Variants in SLC14A2 observed in about 807,000 individuals in gnomAD.
SLC14A2 encodes solute carrier family 14 member 2.
SLC14A2 carries 91 observed loss-of-function variants against 104.6 expected under a neutral mutation model. The observed-to-expected ratio is 0.87, with a 90% confidence interval of 0.73 to 1.04. SLC14A2 has a LOEUF of 1.04. Among genes scored for constraint, SLC14A2 ranks in the 50% least tolerant of loss-of-function variants. The probability of loss-of-function intolerance (pLI) is 0.00; values close to 1 mark genes in which losing one functional copy is unlikely to be tolerated. For synonymous variants in SLC14A2, 476 were observed against 466.4 expected, an observed-to-expected ratio of 1.02 and a Z score of -0.27; for missense variants, 1,189 against 1,156.0, an observed-to-expected ratio of 1.03 and a Z score of -0.41.
intron 2 of SLC14A2, among the ~76,000 whole-genome samples, chr18:45,553,691 C>A (rs1406665341): frequency 2.6e-5 from 4 of 152,148 alleles, no homozygotes; most frequent in African/African-American, 9.7e-5. Flanking sequence ...CAAGGACCTT[C>A]AACGCTTAAC....
At chr18:45,221,198 A>G (rs1302468617) in intron 1 of SLC14A2, among the ~76,000 whole-genome samples, 2 of 152,224 alleles carry the variant, frequency 1.3e-5, no homozygotes, top group African/African-American at 2.4e-5. Flanking sequence ...ACTAGGAAAA[A>G]GAGAAATCAC....
chr18:45,329,417 T>C (rs557171596), intron 1 of SLC14A2, among the ~76,000 whole-genome samples: 5 of 152,264 alleles, frequency 3.3e-5, no homozygotes, highest in African/African-American at 9.6e-5. Flanking sequence ...TATCTTCAAA[T>C]AACCATCAAT....
chr18:45,559,442 C>T (rs2044174820), intron 2 of SLC14A2, among the ~76,000 whole-genome samples: 1 of 152,162 alleles, frequency 6.6e-6, no homozygotes, highest in Admixed American at 6.5e-5. Flanking sequence ...GTTCTGCTCA[C>T]TCAGCAGAAA....
At chr18:45,640,699 A>G (rs538716853) in intron 7 of SLC14A2, among the ~76,000 whole-genome samples, 1 of 152,298 alleles carries the variant, frequency 6.6e-6, no homozygotes, top group South Asian at 2.1e-4. Flanking sequence ...AAACTCATCA[A>G]AAAATGGTAA....
intron 2 of SLC14A2, among the ~76,000 whole-genome samples, chr18:45,487,561 T>C (rs1184257573): frequency 1.3e-5 from 2 of 152,108 alleles, no homozygotes; most frequent in Admixed American, 1.3e-4. Context: ...AAGGAAATAG[T>C]TGTGGATACC....
In SLC14A2 at chr18:45,620,172, G is replaced by C. The variant is rs78943975; in HGVS notation, c.-34-4459G>C. 3.8e-4 allele frequency among the ~76,000 whole-genome samples: 58 copies of C among 152,278 alleles called. No homozygotes were observed. The East Asian group carries it at 9.9e-3, about 26-fold the overall frequency. ...GGAGGTGCAAGGCCCTGTTCCTGCA[G>C]AGGATACATAGGATTGAGAAACACA... On this transcript the variant is annotated intron_variant, in intron 1 of 19. Coordinates refer to ENST00000255226, the MANE Select transcript of SLC14A2 (RefSeq NM_007163.4).
Position 45,452,651 on chromosome 18 carries a change from C to T in SLC14A2, c.-124-30582C>T, listed in dbSNP as rs147021420. ...TCTCCAACACCATGGACTAGAAAAA[C>T]GCCATGCACTCACAAAAATGCTTCT... On this transcript the variant is annotated intron_variant, in intron 1 of 20. Transcript: ENST00000586448. 4.6e-5 allele frequency among the ~76,000 whole-genome samples: 7 copies of T among 152,268 alleles called. No individual in the cohort carries two copies. The South Asian group carries it at 6.2e-4, about 14-fold the overall frequency.
At chr18:45,345,623 T>A (rs2085440123) in intron 1 of SLC14A2, among the ~76,000 whole-genome samples, 1 of 152,232 alleles carries the variant, frequency 6.6e-6, no homozygotes, top group South Asian at 2.1e-4. Flanking sequence ...CTTCTCTATA[T>A]CATTCCATTG....
chr18:45,665,585 A>G (rs2046005341), intron 11 of SLC14A2, among the ~76,000 whole-genome samples: 2 of 151,604 alleles, frequency 1.3e-5, no homozygotes, highest in African/African-American at 4.8e-5. Context: ...CCAGGTGAGG[A>G]GAGTCATGGC....
At chr18:45,617,502 G>A (rs980198040) in intron 1 of SLC14A2, among the ~76,000 whole-genome samples, 22 of 152,066 alleles carry the variant, frequency 1.4e-4, no homozygotes, top group Non-Finnish European at 1.5e-5. Flanking sequence ...CTAACTTGGA[G>A]CTGCCAAGAA....
chr18:45,610,672 A>G (rs1192034303), upstream of SLC14A2, among the ~76,000 whole-genome samples: 1 of 152,230 alleles, frequency 6.6e-6, no homozygotes, highest in African/African-American at 2.4e-5. Context: ...AGCAGGAGGC[A>G]TATGTTGGGA....
rs751041235 is a variant in SLC14A2 at position 45,219,307 on chromosome 18, A to C, written c.-125+6116A>C. On this transcript the variant is annotated intron_variant, in intron 1 of 20. Transcript: ENST00000586448. ...TTGTCTGCATTTTTGTGAAAGGCAT[A>C]TAGCAATGTTATTTATATAAATTTG... Among the ~76,000 whole-genome samples, 10 of 152,374 alleles carry C rather than the reference A, an allele frequency of 6.6e-5. 1 individual carries two copies. The East Asian group carries it at 1.7e-3, about 26-fold the overall frequency.
chr18:45,232,875 C>G (rs2084188384), intron 1 of SLC14A2, among the ~76,000 whole-genome samples: 1 of 152,190 alleles, frequency 6.6e-6, no homozygotes, highest in Admixed American at 6.5e-5. Flanking sequence ...AACTTAGAAT[C>G]AAGTTCCAAC....
chr18:45,298,535 A>G (rs1281089233), intron 1 of SLC14A2, among the ~76,000 whole-genome samples: 4 of 152,088 alleles, frequency 2.6e-5, no homozygotes, highest in Non-Finnish European at 5.9e-5. Flanking sequence ...CCCACTTTCC[A>G]TTCTCCAGCC....
intron 1 of SLC14A2, among the ~76,000 whole-genome samples, chr18:45,415,882 C>A (rs1183324228): frequency 6.6e-6 from 1 of 152,148 alleles, no homozygotes; most frequent in African/African-American, 2.4e-5. Flanking sequence ...TTCTGGGAAG[C>A]AGCGACTGAA....
intron 1 of SLC14A2, among the ~76,000 whole-genome samples, chr18:45,341,610 T>TC (rs2085396523): frequency 6.8e-6 from 1 of 146,686 alleles, no homozygotes; most frequent in African/African-American, 2.5e-5. Context: ...TTTTTTTTTT[T>TC]TTTTTTTTTT....
At position 45,581,189 on chromosome 18, in the gene SLC14A2, G is replaced by A. The variant is rs538176675; in HGVS notation, c.-34-43442G>A. Among the ~76,000 whole-genome samples, 14 of 152,340 alleles carry A rather than the reference G, an allele frequency of 9.2e-5. No individual in the cohort carries two copies. The East Asian group carries it at 2.5e-3, about 27-fold the overall frequency. Reference sequence around the variant, plus strand: ...TCTAGAGTGGATATTTTGGGAATGAGAAAGGGAGATGAGAACAGAGGGCAG... The same window carrying A: ...TCTAGAGTGGATATTTTGGGAATGAAAAAGGGAGATGAGAACAGAGGGCAG... On this transcript the variant is annotated intron_variant, in intron 2 of 20. Coordinates refer to the SLC14A2 transcript ENST00000586448.
chr18:45,487,147 T>C (rs891793589), intron 2 of SLC14A2, among the ~76,000 whole-genome samples: 2 of 152,232 alleles, frequency 1.3e-5, no homozygotes, highest in African/African-American at 4.8e-5. Context: ...GCTGGGCTCC[T>C]TTCTGGAGAC....
chr18:45,196,663 T>A, the SLC14A2 span, among the ~76,000 whole-genome samples: 1 of 152,170 alleles, frequency 6.6e-6, no homozygotes, highest in Non-Finnish European at 1.5e-5. Flanking sequence ...ACCCACCAAC[T>A]GTGACTTTGA....
Sources: gnomAD v4.1 joint callset for allele counts (sites outside exome capture counted in the v4.1 genomes callset) on GRCh38, gnomAD v4.1.1 for gene constraint, MANE v1.5 for transcripts, NCBI Gene and HGNC (gene_info 2026-07-23, HGNC 2026-07-21) for gene names.